The following MROH7 variants were observed in gnomAD, a reference collection of about 807,000 sequenced individuals.
MROH7 encodes the protein maestro heat like repeat family member 7.
MROH7 carries 113 observed loss-of-function variants against 129.2 expected under a neutral mutation model. The ratio of observed to expected loss-of-function variants is 0.87; its 90% CI spans 0.75 to 1.02. The LOEUF is 1.02. Among genes scored for constraint, MROH7 ranks in the 50% least tolerant of loss-of-function variants. The probability of loss-of-function intolerance (pLI) is 0.00; values close to 1 mark genes in which losing one functional copy is unlikely to be tolerated. For synonymous variants in MROH7, 655 were observed against 667.9 expected (o/e 0.98, Z 0.30); for missense variants, 1,601 against 1,671.3 (o/e 0.96, Z 0.73).
intron 21 of MROH7, among the ~76,000 whole-genome samples, chr1:54,704,584 A>G (rs1322992744): frequency 6.6e-6 from 1 of 151,148 alleles, no homozygotes; most frequent in African/African-American, 2.4e-5. Flanking sequence ...AATTATAGGC[A>G]TGCACCTCCA....
At chr1:54,683,708 G>T (rs910349706) in intron 14 of MROH7, among the ~76,000 whole-genome samples, 3 of 152,080 alleles carry the variant, frequency 2.0e-5, no homozygotes, top group African/African-American at 7.2e-5. Context: ...AGCCTCACGG[G>T]TCTTTGTCAG....
intron 21 of MROH7, among the ~76,000 whole-genome samples, chr1:54,705,860 T>C (rs1645524510): frequency 1.3e-5 from 2 of 152,156 alleles, no homozygotes; most frequent in Non-Finnish European, 2.9e-5. Context: ...ATCTTCTCCC[T>C]CAACAGCTCC....
At chr1:54,702,804 T>G in intron 21 of MROH7, 59 bp downstream of exon 21, 1 of 1,535,650 alleles carries the variant, frequency 6.5e-7, no homozygotes, top group Non-Finnish European at 8.8e-7. Flanking sequence ...TGGCGAATTC[T>G]GTGTCTCTCT....
At chr1:54,675,175 C>A (rs1353972024) in intron 10 of MROH7, among the ~76,000 whole-genome samples, 1 of 152,136 alleles carries the variant, frequency 6.6e-6, no homozygotes, top group Non-Finnish European at 1.5e-5. Flanking sequence ...GGGATTTCAC[C>A]ATGTTGGCCA....
chr1:54,683,839 T>C (rs116479022), intron 14 of MROH7, among the ~76,000 whole-genome samples: 303 of 152,296 alleles, frequency 2.0e-3, no homozygotes, highest in African/African-American at 7.0e-3. Context: ...CAGCATCACT[T>C]CCTTAGGGAA....
In MROH7 at chr1:54,709,985, G is replaced by A. The variant is rs1645597639; in HGVS notation, c.3770G>A (p.Cys1257Tyr). Residue 1257 changes from cysteine (C) to tyrosine (Y), a missense_variant, in exon 24 of 24, where the codon TGC becomes TAC. Coordinates refer to ENST00000421030, the MANE Select transcript of MROH7 (RefSeq NM_001039464.4). ...AGACATGACCCAGAAGCATCAGTGT[G>A]CATCTACGCAGCCCAGGTCCAGGAC... ...NLRHDPEASV[C>Y]IYAAQVQDHI... The A allele has an allele frequency of 6.2e-7, 1 of 1,614,120 alleles. No homozygotes were observed. Among genetic ancestry groups the A allele is most frequent in the Non-Finnish European group, 8.5e-7 (1 of 1,180,012 alleles).
chr1:54,685,196 T>C (rs1370204385), intron 14 of MROH7, among the ~76,000 whole-genome samples: 4 of 152,166 alleles, frequency 2.6e-5, no homozygotes, highest in Non-Finnish European at 5.9e-5. Flanking sequence ...TTTGTATTTT[T>C]AGTAGAGACG....
intron 15 of MROH7, among the ~76,000 whole-genome samples, chr1:54,691,760 C>T (rs909890669): frequency 5.4e-5 from 8 of 148,834 alleles, no homozygotes; most frequent in African/African-American, 7.5e-5. Context: ...GAGCCGAGAT[C>T]GCACCATTGC....
intron 17 of MROH7, chr1:54,699,138 CTTTCTTTCTTTCTTTCTTTCTTTT>C (rs1645378812): frequency 3.1e-5 from 3 of 97,640 alleles, no homozygotes; most frequent in African/African-American, 1.2e-4. Flanking sequence ...TTCTTTCTTT[CTTTCTTTCTTTCTTTCTTTCTTTT>C]CTTTCTTTCT....
chr1:54,652,515 G>A (rs1389781239), intron 2 of MROH7, among the ~76,000 whole-genome samples: 1 of 152,232 alleles, frequency 6.6e-6, no homozygotes, highest in African/African-American at 2.4e-5. Flanking sequence ...GCAAGAGCTA[G>A]AACACTAAAT....
chr1:54,644,801 CTTTTT>C (rs553525945), intron 1 of MROH7, among the ~76,000 whole-genome samples: 1 of 138,220 alleles, frequency 7.2e-6, no homozygotes, highest in East Asian at 2.1e-4. Flanking sequence ...AGCCAAATAA[CTTTTT>C]TTTTTTTTTT....
rs1322848630 is a variant in MROH7 at position 54,702,259 on chromosome 1, G to A, written c.3441+14G>A. 1.2e-5 allele frequency: 18 copies of A among 1,454,632 alleles called. No homozygotes were observed. Among genetic ancestry groups the A allele is most frequent in the Non-Finnish European group, 1.6e-5 (17 of 1,094,980 alleles). 90.1% of individuals were successfully genotyped at this position (1,454,632 alleles called of 1,614,324 possible). ...AAGGTAAGCCAGGTGAGTGTGCGTG[G>A]GCCCTGCACCCTCTACCCCTCCCTC... On this transcript the variant is annotated intron_variant, in intron 20 of 23. Transcript: ENST00000421030.
At chr1:54,668,813 G>A in intron 4 of MROH7, 41 bp from the exon 5 acceptor site, 1 of 1,519,178 alleles carries the variant, frequency 6.6e-7, no homozygotes, top group South Asian at 1.1e-5. Context: ...TGGGCTCAGT[G>A]GGTCTCTCAC....
intron 5 of MROH7, 62 bp from the exon 6 acceptor site, chr1:54,670,435 C>G: frequency 6.8e-7 from 1 of 1,475,994 alleles, no homozygotes; most frequent in South Asian, 1.2e-5. Context: ...CGGGGGCAGC[C>G]TTGGCCCTGG....
chr1:54,702,304 C>G, intron 20 of MROH7, 59 bp downstream of exon 20: 1 of 1,334,552 alleles, frequency 7.5e-7, no homozygotes, highest in Middle Eastern at 2.9e-4. Context: ...GGGCGCACCT[C>G]TTTTTACGTT....
At chr1:54,694,882 G>A (rs571645563) in intron 16 of MROH7, among the ~76,000 whole-genome samples, 9 of 152,330 alleles carry the variant, frequency 5.9e-5, no homozygotes, top group African/African-American at 1.2e-4. Context: ...GTGAGCCCTC[G>A]GTTGGGGCTC....
intron 3 of MROH7, chr1:54,663,648 A>G (rs1436522456): frequency 5.4e-6 from 2 of 369,616 alleles, no homozygotes; most frequent in Non-Finnish European, 1.0e-5. Context: ...TGCTGGGATT[A>G]CTGGCGTGAG....
chr1:54,676,502 C>T (rs1486086701), intron 10 of MROH7, among the ~76,000 whole-genome samples: 2 of 152,100 alleles, frequency 1.3e-5, no homozygotes, highest in African/African-American at 4.8e-5. Context: ...CTCCGCCTCC[C>T]AGGTTCAAGC....
chr1:54,679,908 A>T lies in MROH7; in HGVS notation c.2244A>T (p.Gln748His). Residue 748 changes from glutamine (Q) to histidine (H), a missense_variant, in exon 13 of 24, where the codon CAA becomes CAT. Transcript: ENST00000421030. ...TGCCCCAGATCCCAGAAATCATGCA[A>T]GGCATCTACATGCAGCTGAGCCACA... ...RALEVIPEIMQGIYMQLSHIQ... is the reference protein window; with the variant it reads ...RALEVIPEIMHGIYMQLSHIQ... The T allele has an allele frequency of 6.2e-7, 1 of 1,610,896 alleles. No homozygotes were observed. Among genetic ancestry groups the T allele is most frequent in the Non-Finnish European group, 8.5e-7 (1 of 1,178,830 alleles).
Sources: gnomAD v4.1 joint callset for allele counts (sites outside exome capture counted in the v4.1 genomes callset) on GRCh38, gnomAD v4.1.1 for gene constraint, MANE v1.5 for transcripts, NCBI Gene and HGNC (gene_info 2026-07-23, HGNC 2026-07-21) for gene names.